Variants in CPAMD8 observed in about 807,000 individuals in gnomAD.
The protein encoded by CPAMD8 is C3 and PZP like alpha-2-macroglobulin domain containing 8.
Under a neutral mutation model 224.7 loss-of-function variants are expected in CPAMD8, and 146 were observed. The ratio of observed to expected loss-of-function variants is 0.65; its 90% CI spans 0.57 to 0.75. CPAMD8 has a LOEUF of 0.75. Among genes scored for constraint, CPAMD8 ranks in the 30% least tolerant of loss-of-function variants. CPAMD8 has a pLI of 0.00. For missense variants in CPAMD8, 2,301 were observed against 2,537.5 expected, an observed-to-expected ratio of 0.91 and a Z score of 2.00; for synonymous variants, 966 against 1,044.6, an observed-to-expected ratio of 0.92 and a Z score of 1.45.
At chr19:16,964,255 G>A (rs2054749619) in intron 18 of CPAMD8, among the ~76,000 whole-genome samples, 2 of 152,058 alleles carry the variant, frequency 1.3e-5, no homozygotes, top group South Asian at 4.1e-4. Context: ...CCAGGAGCTG[G>A]TTTTTTGAAA....
chr19:16,964,719 G>GAT (rs2054769083), intron 18 of CPAMD8, among the ~76,000 whole-genome samples: 1 of 152,094 alleles, frequency 6.6e-6, no homozygotes, highest in African/African-American at 2.4e-5. Context: ...ACCAAAGCCT[G>GAT]GCAGAGACAC....
chr19:16,906,847 C>T (rs2052536656), intron 30 of CPAMD8, 105 bp downstream of exon 30: 4 of 1,162,734 alleles, frequency 3.4e-6, no homozygotes, highest in African/African-American at 1.5e-5. Flanking sequence ...GTAGCTGGGA[C>T]TACATGACTC....
At chr19:17,023,779 A>G (rs1386457696) in intron 1 of CPAMD8, among the ~76,000 whole-genome samples, 1 of 151,910 alleles carries the variant, frequency 6.6e-6, no homozygotes, top group African/African-American at 2.4e-5. Flanking sequence ...ACTGGGTTCC[A>G]CCATGTTGGC....
At chr19:16,942,185 G>A (rs576320970) in intron 22 of CPAMD8, among the ~76,000 whole-genome samples, 1 of 152,210 alleles carries the variant, frequency 6.6e-6, no homozygotes, top group Admixed American at 6.5e-5. Context: ...GTCATGGTCG[G>A]GCACAGTGGC....
At chr19:16,953,392 T>G (rs1435772060) in intron 19 of CPAMD8, among the ~76,000 whole-genome samples, 1 of 151,176 alleles carries the variant, frequency 6.6e-6, no homozygotes, top group East Asian at 1.9e-4. Context: ...ACTGCAAAAT[T>G]TTGAGCATCA....
At chr19:17,002,103 G>A (rs955466036) in intron 9 of CPAMD8, among the ~76,000 whole-genome samples, 163 bp downstream of exon 9, 1 of 151,668 alleles carries the variant, frequency 6.6e-6, no homozygotes, top group Admixed American at 6.6e-5. Flanking sequence ...GATGCACTAG[G>A]GGAGGGGCAC....
intron 32 of CPAMD8, 21 bp downstream of exon 32, chr19:16,904,205 C>T (rs1240920033): frequency 6.3e-7 from 1 of 1,593,268 alleles, no homozygotes; most frequent in Non-Finnish European, 8.5e-7. Context: ...GAGCCCCTCC[C>T]TCTGGCCCTG....
Position 16,971,009 on chromosome 19 carries a change from CG to C in CPAMD8, c.2094del (p.Asp699ThrfsTer3). ...AFTETGLVVM[T>X]DRVSLNHRQD... ...TGCCGGTGGTTCAGGCTCACTCGGT[CG>C]GTCATCACCACCAGTCCCGTTTCCT... On this transcript the variant is annotated frameshift_variant, in exon 18 of 42. Transcript: ENST00000443236. LOFTEE classifies it high-confidence loss of function. 1 of 1,610,174 alleles carries C rather than the reference CG, an allele frequency of 6.2e-7. No homozygotes were observed. Among genetic ancestry groups the C allele is most frequent in the East Asian group, 2.2e-5 (1 of 44,732 alleles).
At chr19:16,981,311 T>C (rs2055507047) in intron 13 of CPAMD8, among the ~76,000 whole-genome samples, 1 of 151,998 alleles carries the variant, frequency 6.6e-6, no homozygotes, top group Non-Finnish European at 1.5e-5. Context: ...CAGTGAGCCA[T>C]GATCGCACCA....
At chr19:16,926,504 G>A (rs1048307541) in intron 25 of CPAMD8, among the ~76,000 whole-genome samples, 1 of 152,044 alleles carries the variant, frequency 6.6e-6, no homozygotes, top group African/African-American at 2.4e-5. Flanking sequence ...TTTTAGAAGA[G>A]ACGAGCTTTC....
chr19:16,928,314 T>A, intron 24 of CPAMD8, 80 bp from the exon 25 acceptor site: 1 of 1,176,638 alleles, frequency 8.5e-7, no homozygotes. Flanking sequence ...ACCAGCTTTG[T>A]GGCCAGGGTC....
intron 18 of CPAMD8, 145 bp downstream of exon 18, chr19:16,970,746 C>G: frequency 1.3e-6 from 1 of 792,536 alleles, no homozygotes; most frequent in Non-Finnish European, 2.0e-6. Context: ...TTCCAAGCCC[C>G]AAGAACCATG....
intron 8 of CPAMD8, among the ~76,000 whole-genome samples, chr19:17,003,997 C>G (rs2056411799): frequency 6.6e-6 from 1 of 151,726 alleles, no homozygotes. Context: ...ACCTCTGCCT[C>G]CCGGTTCAAG....
chr19:16,902,953 G>T, intron 34 of CPAMD8, 90 bp from the exon 35 acceptor site: 1 of 706,802 alleles, frequency 1.4e-6, no homozygotes, highest in East Asian at 2.7e-5. Context: ...GGGGAGGTGG[G>T]AACAGCCAGA....
intron 22 of CPAMD8, among the ~76,000 whole-genome samples, chr19:16,940,519 G>A (rs1290303981): frequency 6.6e-6 from 1 of 152,148 alleles, no homozygotes; most frequent in Non-Finnish European, 1.5e-5. Context: ...GCTTCAGAAA[G>A]GGTCTGGAGT....
intron 23 of CPAMD8, among the ~76,000 whole-genome samples, chr19:16,929,589 A>C (rs2053485636): frequency 6.6e-6 from 1 of 152,158 alleles, no homozygotes; most frequent in African/African-American, 2.4e-5. Flanking sequence ...TGCCCCAGCT[A>C]CTTGGGAGGC....
At position 16,965,877 on chromosome 19, in the gene CPAMD8, C is replaced by T. The variant is rs538257011; in HGVS notation, c.2213+5014G>A. 2.3e-4 allele frequency among the ~76,000 whole-genome samples: 35 copies of T among 152,168 alleles called. 1 individual carries two copies. The South Asian group carries it at 2.9e-3, about 13-fold the overall frequency. Reference sequence around the variant, plus strand: ...CAAATGGAAGAACATTCCATGCTAACGGATAGGAAGAATCAATATAGTTAA... The same window carrying T: ...CAAATGGAAGAACATTCCATGCTAATGGATAGGAAGAATCAATATAGTTAA... On this transcript the variant is annotated intron_variant, in intron 18 of 41. Transcript: ENST00000443236.
At chr19:17,003,481 AGCCACCACCATGCCTG>A (rs2056395372) in intron 8 of CPAMD8, among the ~76,000 whole-genome samples, 1 of 151,416 alleles carries the variant, frequency 6.6e-6, no homozygotes, top group Non-Finnish European at 1.5e-5. Flanking sequence ...TACAGGTGTG[AGCCACCACCATGCCTG>A]GCCTACAATA....
At chr19:16,920,181 G>C (rs1216638973) in intron 27 of CPAMD8, among the ~76,000 whole-genome samples, 1 of 152,200 alleles carries the variant, frequency 6.6e-6, no homozygotes, top group Admixed American at 6.5e-5. Flanking sequence ...CATGCACACA[G>C]TGAAATTTGA....
Sources: gnomAD v4.1 joint callset for allele counts (sites outside exome capture counted in the v4.1 genomes callset) on GRCh38, gnomAD v4.1.1 for gene constraint, MANE v1.5 for transcripts, NCBI Gene and HGNC (gene_info 2026-07-23, HGNC 2026-07-21) for gene names.